The following PLEKHM1 variants were observed in gnomAD, a reference collection of about 807,000 sequenced individuals.
PLEKHM1 encodes the protein pleckstrin homology domain-containing family M member 1.
A neutral mutation model predicts 94.3 loss-of-function variants in PLEKHM1; 28 were observed. The ratio of observed to expected loss-of-function variants is 0.30; its 90% CI spans 0.22 to 0.41. PLEKHM1 has a LOEUF of 0.41. Ranked by LOEUF, PLEKHM1 falls within the 10% of genes least tolerant of loss-of-function variation. The pLI, the probability that PLEKHM1 is intolerant of heterozygous loss-of-function variation, is 1.00. For missense variants in PLEKHM1, 907 were observed against 1,358.6 expected, an observed-to-expected ratio of 0.67 and a Z score of 5.22; for synonymous variants, 424 against 581.2, an observed-to-expected ratio of 0.73 and a Z score of 3.89.
intron 1 of PLEKHM1, chr17:45,487,850 G>A: frequency 8.8e-6 from 4 of 455,742 alleles, no homozygotes; most frequent in Non-Finnish European, 1.8e-5. Context: ...TCCACTGCCT[G>A]AATTGTGTAA....
intron 8 of PLEKHM1, 137 bp downstream of exon 8, chr17:45,450,481 C>T: frequency 7.1e-7 from 1 of 1,405,440 alleles, no homozygotes; most frequent in Non-Finnish European, 9.8e-7. Flanking sequence ...TCCCCAACAT[C>T]ACAGTGCCTG....
chr17:45,469,367 C>T (rs2051424790), intron 4 of PLEKHM1, among the ~76,000 whole-genome samples: 1 of 152,230 alleles, frequency 6.6e-6, no homozygotes. Context: ...ACCACACTCA[C>T]ACATACACAC....
chr17:45,439,359 T>A (rs766560737), intron 11 of PLEKHM1, 118 bp downstream of exon 11: 25 of 1,171,278 alleles, frequency 2.1e-5, no homozygotes, highest in Middle Eastern at 2.7e-4. Flanking sequence ...CAGCACAAAG[T>A]GGATGTTCAA....
chr17:45,485,984 A>T (rs1248671730), intron 1 of PLEKHM1, among the ~76,000 whole-genome samples: 1 of 151,638 alleles, frequency 6.6e-6, no homozygotes, highest in African/African-American at 2.4e-5. Flanking sequence ...TGGGAGGCCG[A>T]GGCCGGCGGA....
intron 11 of PLEKHM1, 110 bp from the exon 12 acceptor site, chr17:45,438,079 T>C: frequency 1.3e-6 from 1 of 791,982 alleles, no homozygotes; most frequent in South Asian, 1.4e-5. Flanking sequence ...TGATGTACTG[T>C]GTAACCCATG....
rs771432729 is a variant in PLEKHM1, at chr17:45,453,410, G to C, written c.2442C>G (p.Tyr814Ter). Residue 814 changes from tyrosine (Y) to a stop codon, truncating the protein, a stop_gained, in exon 7 of 12, where the codon TAC becomes TAG. Coordinates refer to ENST00000430334, the MANE Select transcript of PLEKHM1 (RefSeq NM_014798.3). LOFTEE classifies it high-confidence loss of function. The surrounding 1 kb of genome is among the most constrained non-coding windows in gnomAD (Gnocchi z 4.1). ...CTTTCTCCATGGGGATAGCCACCAGGTACTGCAGCAGGAAGCCATTCTCCC... is the reference window on the plus strand; with the variant it reads ...CTTTCTCCATGGGGATAGCCACCAGCTACTGCAGCAGGAAGCCATTCTCCC... ...ATRENGFLLQ[Y>*]LVAIPMEKGL... The C allele has an allele frequency of 6.2e-7, 1 of 1,613,848 alleles. No homozygotes were observed. The highest frequency in any genetic ancestry group is 1.1e-5 in the South Asian group (1 of 91,042).
intron 3 of PLEKHM1, chr17:45,477,042 T>C (rs2145328380): frequency 6.6e-6 from 1 of 152,348 alleles, no homozygotes; most frequent in African/African-American, 2.4e-5. Context: ...AAGGCTTCTT[T>C]TGGGCTGAAG....
intron 4 of PLEKHM1, among the ~76,000 whole-genome samples, chr17:45,471,487 GCATGGTGGC>G (rs2051509048): frequency 6.6e-6 from 1 of 151,882 alleles, no homozygotes; most frequent in Non-Finnish European, 1.5e-5. Flanking sequence ...CCCAGGCTGG[GCATGGTGGC>G]TCATGCCTGT....
Position 45,453,039 on chromosome 17 carries a change from C to T in PLEKHM1, c.2497+316G>A, listed in dbSNP as rs190138982. ...ATGCCCCTGCTCTGAAAGAACAGGA[C>T]GGTAGAGCAAGAAGAAAATGAAGCA... On this transcript the variant is annotated intron_variant, in intron 7 of 11. Coordinates refer to ENST00000430334, the MANE Select transcript of PLEKHM1 (RefSeq NM_014798.3). This position sits in a 1 kb window ranked among gnomAD's most constrained non-coding sequence, Gnocchi z 4.1. 119 of 553,248 alleles carry T rather than the reference C, an allele frequency of 2.2e-4. No homozygotes were observed. The highest frequency in any genetic ancestry group is 1.0e-3 in the African/African-American group (55 of 53,130). The allele number at this position is 553,248 out of a possible 1,614,324, so 34.3% of individuals were successfully genotyped here.
At chr17:45,438,363 C>T (rs545470995) in intron 11 of PLEKHM1, among the ~76,000 whole-genome samples, 285 of 151,996 alleles carry the variant, frequency 1.9e-3, no homozygotes, top group African/African-American at 6.3e-3. Context: ...GAAACCCTGT[C>T]TCTACTAAAA....
At position 45,458,469 on chromosome 17, in the gene PLEKHM1, T is replaced by C. The variant is rs746426592; in HGVS notation, c.1309-30A>G. 5 of 1,596,350 alleles carry C rather than the reference T, an allele frequency of 3.1e-6. No homozygotes were observed. In the East Asian group the frequency reaches 1.1e-4, roughly 36 times the overall value. On this transcript the variant is annotated intron_variant, in intron 5 of 11. Coordinates refer to ENST00000430334, the MANE Select transcript of PLEKHM1 (RefSeq NM_014798.3). ...TGGGAAAGAAGACAACAGTTGTTTG[T>C]TTTAAAGTTTTTTTGTTTTGAGACG...
At position 45,472,467 on chromosome 17, in the gene PLEKHM1, G is replaced by A. The variant is rs78324295; in HGVS notation, c.923+2633C>T. Among the ~76,000 whole-genome samples, 120 of 152,272 alleles carry A rather than the reference G, an allele frequency of 7.9e-4. No homozygotes were observed. In the East Asian group the frequency reaches 0.021, roughly 27 times the overall value. On this transcript the variant is annotated intron_variant, in intron 4 of 11. Coordinates refer to ENST00000430334, the MANE Select transcript of PLEKHM1 (RefSeq NM_014798.3). ...ATCACAAGACACATGAGATAAAGGC[G>A]AGACATATGACAAGGGATGGCTGGC...
intron 6 of PLEKHM1, 105 bp downstream of exon 6, chr17:45,458,064 G>A: frequency 1.2e-6 from 1 of 822,670 alleles, no homozygotes; most frequent in Non-Finnish European, 2.0e-6. Context: ...ACACTTGTGG[G>A]AACACACTAC....
chr17:45,470,815 C>T (rs1288743119), intron 4 of PLEKHM1, among the ~76,000 whole-genome samples: 5 of 151,480 alleles, frequency 3.3e-5, no homozygotes, highest in African/African-American at 9.7e-5. Flanking sequence ...CCCGCCACAA[C>T]GCCCAGCTAA....
At chr17:45,441,269 G>A (rs2050438120) in intron 9 of PLEKHM1, among the ~76,000 whole-genome samples, 1 of 152,172 alleles carries the variant, frequency 6.6e-6, no homozygotes, top group African/African-American at 2.4e-5. Context: ...GGGCCTCCGG[G>A]GTGCAAACTG....
rs999209272 is a variant in PLEKHM1 at position 45,436,497 on chromosome 17, G to A, written c.*1361C>T. On this transcript the variant is annotated 3_prime_UTR_variant, in exon 12 of 12. Transcript: ENST00000430334. ...GGGCTCATCTCTGACAGTGACATGC[G>A]GCTCTCCACCTGAGGCCTGACTCCA... is the stretch of plus-strand genomic sequence containing the variant. 1.8e-5 allele frequency: 8 copies of A among 453,506 alleles called. No homozygotes were observed. The highest frequency in any genetic ancestry group is 6.0e-5 in the African/African-American group (3 of 49,990). The allele number at this position is 453,506 out of a possible 1,614,324, so 28.1% of individuals were successfully genotyped here. A position where few individuals can be genotyped will look rare whatever the true frequency, so the allele number is the denominator to read the frequency against.
At chr17:45,451,160 C>T (rs1420968585) in intron 7 of PLEKHM1, among the ~76,000 whole-genome samples, 1 of 152,052 alleles carries the variant, frequency 6.6e-6, no homozygotes, top group Non-Finnish European at 1.5e-5. Context: ...CTAGGTCCAC[C>T]CCTCCACTCG....
At chr17:45,480,944 T>A (rs2051933290) in intron 2 of PLEKHM1, among the ~76,000 whole-genome samples, 1 of 152,178 alleles carries the variant, frequency 6.6e-6, no homozygotes, top group African/African-American at 2.4e-5. Flanking sequence ...TATCTAGGAG[T>A]GGAACTGTAC....
chr17:45,445,449 A>G lies in PLEKHM1; in HGVS notation c.2837+21T>C. The G allele has an allele frequency of 1.2e-6, 2 of 1,603,082 alleles. No individual in the cohort carries two copies. The highest frequency in any genetic ancestry group is 1.7e-6 in the Non-Finnish European group (2 of 1,170,188). On this transcript the variant is annotated intron_variant, in intron 9 of 11. Transcript: ENST00000430334. This position sits in a 1 kb window ranked among gnomAD's most constrained non-coding sequence, Gnocchi z 4.2. ...TGCGTGTGTACGTGCACTCACACGC[A>G]TACACGTAGAGGTTGCTCACCTCTT...
Sources: allele counts gnomAD v4.1 joint callset (sites outside exome capture counted in the v4.1 genomes callset), GRCh38; gene constraint gnomAD v4.1.1; non-coding constraint Gnocchi (gnomAD v3.1); transcripts MANE v1.5; gene names NCBI Gene and HGNC (gene_info 2026-07-23, HGNC 2026-07-21).